MATN2: variants seen among roughly 807,000 people sequenced by gnomAD.
The protein encoded by MATN2 is matrilin-2.
A neutral mutation model predicts 103.2 loss-of-function variants in MATN2; 69 were observed. The ratio of observed to expected loss-of-function variants is 0.67; its 90% CI spans 0.55 to 0.82. MATN2 has a LOEUF of 0.82. Ranked by LOEUF, MATN2 falls within the 40% of genes least tolerant of loss-of-function variation. The pLI is 0.00. For missense variants in MATN2, 1,023 were observed against 1,211.5 expected, an observed-to-expected ratio of 0.84 and a Z score of 2.31; for synonymous variants, 429 against 450.2, an observed-to-expected ratio of 0.95 and a Z score of 0.60.
chr8:98,004,696 T>C (rs114584370), intron 8 of MATN2, among the ~76,000 whole-genome samples: 2,843 of 152,214 alleles, frequency 0.019, 89 homozygotes, highest in African/African-American at 0.062. Context: ...GGACAGACCT[T>C]GGAAAGCAAT....
intron 4 of MATN2, chr8:97,952,387 C>T (rs2130229024): frequency 6.6e-6 from 1 of 152,414 alleles, no homozygotes; most frequent in East Asian, 1.9e-4. Flanking sequence ...TGCAGTGCAG[C>T]TTGTCTAAAA....
intron 2 of MATN2, among the ~76,000 whole-genome samples, chr8:97,930,385 A>G (rs1810137147): frequency 6.6e-6 from 1 of 152,246 alleles, no homozygotes; most frequent in Non-Finnish European, 1.5e-5. Flanking sequence ...GTTTGGTTAC[A>G]TAAAAACTGC....
intron 18 of MATN2, 157 bp from the exon 19 acceptor site, chr8:98,035,500 A>G (rs1194286507): frequency 2.0e-6 from 1 of 489,814 alleles, no homozygotes; most frequent in Non-Finnish European, 3.7e-6. Flanking sequence ...AGTTCTACAA[A>G]TTTACAAGTC....
intron 6 of MATN2, among the ~76,000 whole-genome samples, chr8:97,991,130 ACT>A (rs1317828314): frequency 1.3e-5 from 2 of 152,092 alleles, no homozygotes; most frequent in East Asian, 3.8e-4. Context: ...CCTATGGGAC[ACT>A]CTGGTTGATG....
intron 2 of MATN2, among the ~76,000 whole-genome samples, chr8:97,890,627 G>A (rs186035693): frequency 7.0e-4 from 107 of 152,136 alleles, no homozygotes; most frequent in African/African-American, 2.5e-3. Context: ...TTGCCCCGAG[G>A]GTATGACCTT....
chr8:97,888,117 C>T lies in MATN2; in HGVS notation c.17C>T (p.Ala6Val), dbSNP rs747554325. The T allele has an allele frequency of 4.0e-5, 65 of 1,607,438 alleles. No individual in the cohort carries two copies. In the Middle Eastern group the frequency reaches 5.0e-4, roughly 12 times the overall value. ...GCCTTGAAAATGGAAAAGATGCTCG[C>T]AGGCTGCTTTCTGCTGATCCTCGGA... MEKMLAGCFLLILGQI... is the reference protein window; with the variant it reads MEKMLVGCFLLILGQI... Residue 6 changes from alanine (A) to valine (V), a missense_variant, in exon 2 of 19, where the codon GCA becomes GTA. Transcript: ENST00000254898.
At position 97,876,344 on chromosome 8, in the gene MATN2, C is replaced by T. The variant is rs182446659; in HGVS notation, c.-27+7057C>T. On this transcript the variant is annotated intron_variant, in intron 1 of 18. Transcript: ENST00000254898. ...AGCTGGGATTACAGGCATGCACCACCATGCCCGGCTAATTTTGTATTTTTA... is the reference window on the plus strand; with the variant it reads ...AGCTGGGATTACAGGCATGCACCACTATGCCCGGCTAATTTTGTATTTTTA... 2.0e-4 allele frequency among the ~76,000 whole-genome samples: 30 copies of T among 152,204 alleles called. No individual in the cohort carries two copies. In the East Asian group the frequency reaches 5.6e-3, roughly 28 times the overall value.
intron 2 of MATN2, among the ~76,000 whole-genome samples, chr8:97,891,527 A>G (rs761496593): frequency 3.3e-5 from 5 of 151,940 alleles, no homozygotes; most frequent in Non-Finnish European, 7.4e-5. Context: ...TTGTAGAGAC[A>G]GGGTTTCGCC....
intron 1 of MATN2, among the ~76,000 whole-genome samples, chr8:97,882,168 C>G (rs1039789614): frequency 9.9e-5 from 15 of 151,674 alleles, no homozygotes; most frequent in African/African-American, 3.6e-4. Context: ...AGGTGATCTG[C>G]CCGCCTCAGC....
chr8:97,988,866 A>C (rs901606391), intron 6 of MATN2, among the ~76,000 whole-genome samples: 2 of 152,232 alleles, frequency 1.3e-5, no homozygotes, highest in African/African-American at 4.8e-5. Context: ...CCTGATACCC[A>C]AACCAGAAAA....
chr8:97,997,404 T>C (rs1812622665), intron 7 of MATN2, among the ~76,000 whole-genome samples: 1 of 152,262 alleles, frequency 6.6e-6, no homozygotes, highest in African/African-American at 2.4e-5. Flanking sequence ...TCCAGTTTTT[T>C]TGAAACTTAC....
At chr8:97,920,713 A>G (rs1182150429) in intron 2 of MATN2, among the ~76,000 whole-genome samples, 1 of 152,034 alleles carries the variant, frequency 6.6e-6, no homozygotes, top group African/African-American at 2.4e-5. Context: ...AGTCCCAGCT[A>G]CTCTGGAGGC....
At position 98,007,389 on chromosome 8, in the gene MATN2, A is replaced by C. The variant is rs1813009799; in HGVS notation, c.1451-90A>C. ...CACTGGGACTGCATGCCTTCGAGGG[A>C]GGGCGGGGTGAGCATGACGGTCACT... On this transcript the variant is annotated intron_variant, in intron 9 of 18. Coordinates refer to ENST00000254898, the MANE Select transcript of MATN2 (RefSeq NM_002380.5). This position sits in a 1 kb window ranked among gnomAD's most constrained non-coding sequence, Gnocchi z 4.2. The C allele has an allele frequency of 1.3e-6, 2 of 1,563,818 alleles. No homozygotes were observed. Among genetic ancestry groups the C allele is most frequent in the Non-Finnish European group, 1.7e-6 (2 of 1,145,582 alleles).
At chr8:97,973,766 C>T (rs886692805) in intron 5 of MATN2, among the ~76,000 whole-genome samples, 2 of 151,866 alleles carry the variant, frequency 1.3e-5, no homozygotes, top group African/African-American at 2.4e-5. Context: ...GATGGGGTCT[C>T]GCTATGTATC....
At chr8:97,956,546 T>A (rs1213956686) in intron 4 of MATN2, among the ~76,000 whole-genome samples, 1 of 152,190 alleles carries the variant, frequency 6.6e-6, no homozygotes, top group Non-Finnish European at 1.5e-5. Flanking sequence ...TAGTAGCTCT[T>A]GGTTTGTCAG....
intron 1 of MATN2, among the ~76,000 whole-genome samples, chr8:97,875,859 A>G (rs1818051789): frequency 6.7e-6 from 1 of 149,348 alleles, no homozygotes; most frequent in Non-Finnish European, 1.5e-5. Context: ...CCCTGACCAG[A>G]TAATTTTTTG....
intron 4 of MATN2, among the ~76,000 whole-genome samples, chr8:97,948,146 T>C (rs1810814123): frequency 6.6e-6 from 1 of 152,174 alleles, no homozygotes; most frequent in Non-Finnish European, 1.5e-5. Context: ...AATGTGGCAC[T>C]GCATAGACCA....
intron 2 of MATN2, among the ~76,000 whole-genome samples, chr8:97,910,542 T>C (rs1809379074): frequency 6.6e-6 from 1 of 152,200 alleles, no homozygotes; most frequent in Non-Finnish European, 1.5e-5. Context: ...TCCTAAAGCT[T>C]TCTTGAACAG....
At position 98,005,180 on chromosome 8, in the gene MATN2, A is replaced by C. The variant is rs1318846483; in HGVS notation, c.1327+1397A>C. ...AGCGTGGCTCCTCCAGTGTCCAGAG[A>C]GAACAAAGTGCCCGGTAAAGGCTTT... On this transcript the variant is annotated intron_variant, in intron 8 of 18. Transcript: ENST00000254898. This position sits in a 1 kb window ranked among gnomAD's most constrained non-coding sequence, Gnocchi z 4.6. Among the ~76,000 whole-genome samples, 1 of 152,236 alleles carries C rather than the reference A, an allele frequency of 6.6e-6. No individual in the cohort carries two copies. Among genetic ancestry groups the C allele is most frequent in the Non-Finnish European group, 1.5e-5 (1 of 68,026 alleles).
Sources: gnomAD v4.1 joint callset for allele counts (sites outside exome capture counted in the v4.1 genomes callset) on GRCh38, gnomAD v4.1.1 for gene constraint, Gnocchi (gnomAD v3.1) non-coding constraint, MANE v1.5 for transcripts, NCBI Gene and HGNC (gene_info 2026-07-23, HGNC 2026-07-21) for gene names.